Variants in NRG4 observed in about 807,000 individuals in gnomAD.
NRG4 encodes neuregulin 4.
Under a neutral mutation model 15.0 loss-of-function variants are expected in NRG4, and 10 were observed. That is an observed-to-expected ratio of 0.67 (90% confidence interval 0.41 to 1.13). The LOEUF is 1.13. Ranked by LOEUF, NRG4 falls within the 50% of genes most tolerant of loss-of-function variation. The pLI is 0.00. For missense variants in NRG4, 139 were observed against 140.2 expected, an observed-to-expected ratio of 0.99 and a Z score of 0.04; for synonymous variants, 41 against 50.1, an observed-to-expected ratio of 0.82 and a Z score of 0.77.
chr15:76,028,309 A>G (rs139752298), intron 5 of NRG4, among the ~76,000 whole-genome samples: 50 of 152,262 alleles, frequency 3.3e-4, no homozygotes, highest in Middle Eastern at 6.8e-3. Flanking sequence ...TCAGAAATGA[A>G]AAATGAGACA....
At chr15:76,051,438 G>T (rs1596065870) in intron 4 of NRG4, among the ~76,000 whole-genome samples, 1 of 150,874 alleles carries the variant, frequency 6.6e-6, no homozygotes, top group African/African-American at 2.5e-5. Flanking sequence ...ACTGTGTTCA[G>T]CCTAAAAGTT....
downstream of NRG4, chr15:75,938,026 G>A (rs1301122381): frequency 1.3e-5 from 2 of 152,232 alleles, no homozygotes; most frequent in African/African-American, 4.8e-5. Context: ...CACTTGCCCG[G>A]AAAGTTCTAA....
At chr15:75,957,629 A>G (rs1265018042) in intron 4 of NRG4, among the ~76,000 whole-genome samples, 1 of 152,172 alleles carries the variant, frequency 6.6e-6, no homozygotes, top group Non-Finnish European at 1.5e-5. Context: ...TCTAACATCT[A>G]CGGGTAACTT....
intron 5 of NRG4, among the ~76,000 whole-genome samples, chr15:75,955,288 G>C (rs1447603622): frequency 6.6e-6 from 1 of 152,098 alleles, no homozygotes; most frequent in Non-Finnish European, 1.5e-5. Flanking sequence ...GCCAAACTCA[G>C]CCTGGGGTCC....
At chr15:76,010,796 CTT>C (rs1430077894) in intron 2 of NRG4, among the ~76,000 whole-genome samples, 1 of 152,088 alleles carries the variant, frequency 6.6e-6, no homozygotes, top group Non-Finnish European at 1.5e-5. Flanking sequence ...TGGAATGTAA[CTT>C]TATCACAGCT....
Position 75,943,380 on chromosome 15 carries a change from C to A in NRG4, c.*258G>T. 1 of 444,840 alleles carries A rather than the reference C, an allele frequency of 2.2e-6. No homozygotes were observed. Among genetic ancestry groups the A allele is most frequent in the Non-Finnish European group, 4.0e-6 (1 of 251,948 alleles). 27.6% of individuals were successfully genotyped at this position (444,840 alleles called of 1,614,324 possible). On this transcript the variant is annotated 3_prime_UTR_variant, in exon 6 of 6. Transcript: ENST00000394907. ...CTGGTTGCTTCAGCACATCAGCTTTCTGGGGAGAGTCATGTTGAACCAATG... is the reference window on the plus strand; with the variant it reads ...CTGGTTGCTTCAGCACATCAGCTTTATGGGGAGAGTCATGTTGAACCAATG...
chr15:76,059,736 C>CAGCCCCTGCCAGCCGACGCCGCG (rs2036249825), exon 1 of NRG4: 1 of 151,090 alleles, frequency 6.6e-6, no homozygotes, highest in Non-Finnish European at 1.5e-5. Context: ...CTCAGGCCGC[C>CAGCCCCTGCCAGCCGACGCCGCG]AGCCCCTGCC....
intron 3 of NRG4, among the ~76,000 whole-genome samples, chr15:75,974,106 G>A (rs1406595768): frequency 2.6e-5 from 4 of 152,156 alleles, no homozygotes; most frequent in African/African-American, 9.7e-5. Context: ...GAGGGGGTAT[G>A]TGTTAAGGAA....
intron 3 of NRG4, among the ~76,000 whole-genome samples, chr15:76,000,903 G>T (rs899475046): frequency 1.3e-5 from 2 of 152,116 alleles, no homozygotes; most frequent in Non-Finnish European, 2.9e-5. Flanking sequence ...AGGATATATT[G>T]TTAAGAAAAA....
At chr15:76,044,488 T>C (rs1242736066) in intron 4 of NRG4, among the ~76,000 whole-genome samples, 3 of 150,594 alleles carry the variant, frequency 2.0e-5, no homozygotes, top group Admixed American at 1.3e-4. Flanking sequence ...TGTCAAACTA[T>C]GAAACTACTA....
At chr15:76,004,461 A>G (rs1416625468) in intron 3 of NRG4, among the ~76,000 whole-genome samples, 1 of 151,784 alleles carries the variant, frequency 6.6e-6, no homozygotes, top group African/African-American at 2.4e-5. Flanking sequence ...TTAGCCAGGC[A>G]TGGTGGCCAT....
intron 3 of NRG4, 69 bp downstream of exon 3, chr15:76,009,131 C>T: frequency 1.3e-6 from 1 of 797,826 alleles, no homozygotes; most frequent in Non-Finnish European, 2.2e-6. Context: ...TACTTTTTAT[C>T]ACTTCTCAAA....
At chr15:76,013,690 G>A (rs1467982376), upstream of NRG4, among the ~76,000 whole-genome samples, 2 of 152,188 alleles carry the variant, frequency 1.3e-5, no homozygotes, top group South Asian at 2.1e-4. Flanking sequence ...TCTTATGGCT[G>A]CATAGTATTC....
intron 5 of NRG4, among the ~76,000 whole-genome samples, chr15:75,950,068 A>T (rs2031784817): frequency 6.6e-6 from 1 of 152,194 alleles, no homozygotes; most frequent in Non-Finnish European, 1.5e-5. Context: ...TTGAGAACTG[A>T]CACCTTACAA....
intron 5 of NRG4, among the ~76,000 whole-genome samples, chr15:75,949,062 G>C (rs2031717014): frequency 6.6e-6 from 1 of 152,068 alleles, no homozygotes; most frequent in African/African-American, 2.4e-5. Context: ...CTCAAACAAA[G>C]AAGTCTACAA....
downstream of NRG4, chr15:75,938,610 A>C (rs942709770): frequency 6.6e-6 from 1 of 152,224 alleles, no homozygotes; most frequent in Non-Finnish European, 1.5e-5. Flanking sequence ...TCTGGCAGAG[A>C]AAAGTATAAT....
chr15:75,970,211 CAT>C (rs2033025707), intron 3 of NRG4, among the ~76,000 whole-genome samples: 2 of 152,190 alleles, frequency 1.3e-5, no homozygotes, highest in Admixed American at 6.5e-5. Flanking sequence ...TAGTGAAACA[CAT>C]AGCAAGGTCC....
rs114136778 is a variant in NRG4, at chr15:75,970,598, G to A, written c.105-8624C>T. On this transcript the variant is annotated intron_variant, in intron 3 of 5. Transcript: ENST00000394907. Reference sequence around the variant, plus strand: ...GCCCTGGTGAAACCAGACCTTACCAGGTCACTCTCGATAATTATTCCAATG... The same window carrying A: ...GCCCTGGTGAAACCAGACCTTACCAAGTCACTCTCGATAATTATTCCAATG... Among the ~76,000 whole-genome samples the A allele has an allele frequency of 4.3e-3, 651 of 152,288 alleles. 13 individuals are homozygous for A. Among genetic ancestry groups the A allele is most frequent in the African/African-American group, 0.015 (616 of 41,570 alleles).
chr15:75,943,911 C>T (rs1221820513), intron 5 of NRG4, among the ~76,000 whole-genome samples: 1 of 152,056 alleles, frequency 6.6e-6, no homozygotes, highest in Non-Finnish European at 1.5e-5. Flanking sequence ...GCCCACACCC[C>T]CCGCCCCTCA....
Sources: gnomAD v4.1 joint callset for allele counts (sites outside exome capture counted in the v4.1 genomes callset) on GRCh38, gnomAD v4.1.1 for gene constraint, MANE v1.5 for transcripts, NCBI Gene and HGNC (gene_info 2026-07-23, HGNC 2026-07-21) for gene names.